GRM1: variants seen among roughly 807,000 people sequenced by gnomAD.
GRM1 encodes glutamate metabotropic receptor 1.
In GRM1, 33 loss-of-function variants were observed where a neutral mutation model predicts 90.9. That is an observed-to-expected ratio of 0.36 (90% confidence interval 0.28 to 0.49). The LOEUF (loss-of-function observed/expected upper bound fraction) is 0.49. Among genes scored for constraint, GRM1 ranks in the 20% least tolerant of loss-of-function variants. The pLI is 0.99. For missense variants in GRM1, 1,190 were observed against 1,534.3 expected, an observed-to-expected ratio of 0.78 and a Z score of 3.75; for synonymous variants, 700 against 613.2, an observed-to-expected ratio of 1.14 and a Z score of -2.09.
chr6:146,217,650 A>G (rs530548286), intron 2 of GRM1, among the ~76,000 whole-genome samples: 1 of 152,206 alleles, frequency 6.6e-6, no homozygotes, highest in Non-Finnish European at 1.5e-5. Context: ...AGGAGCTGAA[A>G]GGCAACATTT....
intron 1 of GRM1, among the ~76,000 whole-genome samples, chr6:146,041,675 TCTG>T (rs1035919023): frequency 2.0e-5 from 3 of 151,972 alleles, no homozygotes; most frequent in African/African-American, 7.2e-5. Context: ...TCCTTTGTCT[TCTG>T]CTCACAATTT....
chr6:146,049,787 GGAGT>G lies in GRM1; in HGVS notation c.700+19575_700+19578del, dbSNP rs144750005. Among the ~76,000 whole-genome samples, 1,153 of 151,910 alleles carry G rather than the reference GGAGT, an allele frequency of 7.6e-3. 8 individuals are homozygous for G. The highest frequency in any genetic ancestry group is 0.026 in the African/African-American group (1,087 of 41,454). ...AAAATAACAACGATGGCAGTACCAT[GGAGT>G]GAGTATTTATTGTGTGCCAAACACT... On this transcript the variant is annotated intron_variant, in intron 1 of 7. Coordinates refer to ENST00000282753, the MANE Select transcript of GRM1 (RefSeq NM_001278064.2).
intron 3 of GRM1, among the ~76,000 whole-genome samples, chr6:146,317,361 G>C (rs956900441): frequency 1.3e-5 from 2 of 152,182 alleles, no homozygotes; most frequent in Admixed American, 1.3e-4. Flanking sequence ...TGCCTTCCAA[G>C]TTATTGCAGG....
chr6:146,165,982 T>C (rs1039867058), intron 2 of GRM1, among the ~76,000 whole-genome samples: 1 of 152,106 alleles, frequency 6.6e-6, no homozygotes, highest in African/African-American at 2.4e-5. Context: ...TTTACCTGCC[T>C]TTAGGGTATT....
At chr6:146,343,427 T>C (rs1785052942) in intron 3 of GRM1, among the ~76,000 whole-genome samples, 1 of 152,290 alleles carries the variant, frequency 6.6e-6, no homozygotes, top group South Asian at 2.1e-4. Context: ...CTACATAAAT[T>C]ATTTGAAATT....
chr6:146,111,774 G>C (rs1209004107), intron 1 of GRM1, among the ~76,000 whole-genome samples: 1 of 152,214 alleles, frequency 6.6e-6, no homozygotes, highest in Non-Finnish European at 1.5e-5. Context: ...TTTTATTCTA[G>C]TTGCAATAAG....
chr6:146,127,727 T>C (rs1271715147), intron 1 of GRM1, among the ~76,000 whole-genome samples: 7 of 152,230 alleles, frequency 4.6e-5, no homozygotes, highest in African/African-American at 1.4e-4. Flanking sequence ...TCAGCAAGAT[T>C]TCAATCTCCC....
intron 4 of GRM1, 120 bp downstream of exon 4, chr6:146,352,616 G>A: frequency 1.1e-6 from 1 of 938,194 alleles, no homozygotes. Flanking sequence ...ATACAACTAG[G>A]TAGCAAAAAG....
chr6:146,418,545 TACAC>T (rs1230242310), intron 7 of GRM1, among the ~76,000 whole-genome samples: 1 of 151,784 alleles, frequency 6.6e-6, no homozygotes, highest in Non-Finnish European at 1.5e-5. Flanking sequence ...TGCATATACA[TACAC>T]ACTATTTTTA....
chr6:146,121,103 T>C (rs1775971652), intron 1 of GRM1, among the ~76,000 whole-genome samples: 1 of 152,096 alleles, frequency 6.6e-6, no homozygotes, highest in South Asian at 2.1e-4. Flanking sequence ...TAAATACTGC[T>C]TCAATTTCAG....
In GRM1 at chr6:146,434,771, A is replaced by C; in HGVS notation, c.3560A>C (p.Tyr1187Ser). The C allele has an allele frequency of 1.9e-6, 3 of 1,599,462 alleles. No individual in the cohort carries two copies. The highest frequency in any genetic ancestry group is 2.5e-6 in the Non-Finnish European group (3 of 1,179,856). The change falls in exon 8 of 8, where the codon TAC becomes TCC. Residue 1187 changes from tyrosine (Y) to serine (S), a missense_variant. Tyr to Ser is a moderately radical substitution (Grantham distance 144, BLOSUM62 -2). Around this residue, in one of 10 missense-constraint regions of GRM1, gnomAD observed 48 missense variants for 48.5 expected, o/e 0.99. Coordinates refer to ENST00000282753, the MANE Select transcript of GRM1 (RefSeq NM_001278064.2). ...VSYASVILRDYKQSSSTL is the reference protein window; with the variant it reads ...VSYASVILRDSKQSSSTL ...TACGCCTCTGTCATTCTGCGGGACTACAAGCAAAGCTCTTCCACCCTGTAA... is the reference window on the plus strand; with the variant it reads ...TACGCCTCTGTCATTCTGCGGGACTCCAAGCAAAGCTCTTCCACCCTGTAA...
At position 146,386,759 on chromosome 6, in the gene GRM1, C is replaced by A. The variant is rs1776521754; in HGVS notation, c.1603-131C>A. The A allele has an allele frequency of 1.9e-5, 13 of 695,040 alleles. No individual in the cohort carries two copies. In the South Asian group the frequency reaches 2.0e-4, roughly 11 times the overall value. 43.1% of individuals were successfully genotyped at this position (695,040 alleles called of 1,614,324 possible). A position where few individuals can be genotyped will look rare whatever the true frequency, so the allele number is the denominator to read the frequency against. Reference sequence around the variant, plus strand: ...ATACAAATTCACATTCTTAAGATTCCTCAGCATATAAGATTATTTTCATAG... The same window carrying A: ...ATACAAATTCACATTCTTAAGATTCATCAGCATATAAGATTATTTTCATAG... On this transcript the variant is annotated intron_variant, in intron 5 of 7. Transcript: ENST00000282753.
chr6:146,045,268 TG>T (rs1791283587), intron 1 of GRM1, among the ~76,000 whole-genome samples: 1 of 152,042 alleles, frequency 6.6e-6, no homozygotes, highest in South Asian at 2.1e-4. Flanking sequence ...TTTAAAAATA[TG>T]CATTAGCTAA....
chr6:146,107,414 ACACTGAAAAACAGC>A (rs1775352765), intron 1 of GRM1, among the ~76,000 whole-genome samples: 1 of 151,772 alleles, frequency 6.6e-6, no homozygotes, highest in African/African-American at 2.4e-5. Context: ...ACGCTTTCAG[ACACTGAAAAACAGC>A]CACAGGGCCT....
chr6:146,079,341 G>A (rs1020887397), intron 1 of GRM1, among the ~76,000 whole-genome samples: 2 of 152,272 alleles, frequency 1.3e-5, no homozygotes, highest in Non-Finnish European at 2.9e-5. Flanking sequence ...GCTTTGAGGG[G>A]ATAGGTGGGG....
At chr6:146,395,488 C>G (rs756862459) in intron 6 of GRM1, among the ~76,000 whole-genome samples, 4 of 151,998 alleles carry the variant, frequency 2.6e-5, no homozygotes, top group Non-Finnish European at 2.9e-5. Flanking sequence ...AAATGTTACA[C>G]CACTGGGTTA....
intron 2 of GRM1, among the ~76,000 whole-genome samples, chr6:146,245,135 G>A (rs1367336146): frequency 6.6e-6 from 1 of 152,102 alleles, no homozygotes; most frequent in African/African-American, 2.4e-5. Context: ...ATGGGAGCAA[G>A]CAAACAAACA....
chr6:146,341,204 C>T (rs1784968685), intron 3 of GRM1, among the ~76,000 whole-genome samples: 1 of 152,132 alleles, frequency 6.6e-6, no homozygotes, highest in South Asian at 2.1e-4. Context: ...TTAGGTATGA[C>T]TAACTATGGT....
chr6:146,243,201 A>C (rs2114739303), intron 2 of GRM1, among the ~76,000 whole-genome samples: 1 of 152,264 alleles, frequency 6.6e-6, no homozygotes, highest in Non-Finnish European at 1.5e-5. Flanking sequence ...TCATCAGTGA[A>C]ATAAAATGTA....
Sources: gnomAD v4.1 joint callset for allele counts (sites outside exome capture counted in the v4.1 genomes callset) on GRCh38, gnomAD v4.1.1 for gene constraint, gnomAD v4.1.1 regional missense constraint, MANE v1.5 for transcripts, NCBI Gene and HGNC (gene_info 2026-07-23, HGNC 2026-07-21) for gene names.